PSMB2: variants seen among roughly 807,000 people sequenced by gnomAD.
PSMB2 encodes proteasome subunit beta type-2.
Under a neutral mutation model 25.7 loss-of-function variants are expected in PSMB2, and 13 were observed. The ratio of observed to expected loss-of-function variants is 0.51; its 90% CI spans 0.33 to 0.80. PSMB2 has a LOEUF of 0.80. PSMB2 is among the 30% of genes least tolerant of loss of function. PSMB2 has a pLI of 0.02. For missense variants in PSMB2, 202 were observed against 259.0 expected (o/e 0.78, Z 1.51); for synonymous variants, 87 against 96.2 (o/e 0.90, Z 0.56).
intron 3 of PSMB2, among the ~76,000 whole-genome samples, chr1:35,616,103 C>A (rs1650484207): frequency 2.0e-5 from 3 of 152,152 alleles, no homozygotes; most frequent in Non-Finnish European, 4.4e-5. Flanking sequence ...ATCCCTTTTA[C>A]AAATGTGGGG....
At chr1:35,637,170 T>G (rs1003966285) in intron 1 of PSMB2, among the ~76,000 whole-genome samples, 23 of 152,162 alleles carry the variant, frequency 1.5e-4, no homozygotes, top group African/African-American at 5.5e-4. Context: ...GTTATTATAT[T>G]TATACACATA....
At position 35,600,089 on chromosome 1, in the gene PSMB2, GCTACGATCGTGCCACTGTA is replaced by G. The variant is rs1353487442; in HGVS notation, c.*3159_*3177del. The G allele has an allele frequency of 6.0e-6, 5 of 829,072 alleles. No individual in the cohort carries two copies. The highest frequency in any genetic ancestry group is 7.3e-6 in the Non-Finnish European group (5 of 687,848). 51.4% of individuals were successfully genotyped at this position (829,072 alleles called of 1,614,324 possible). ...AGTTCAAGTGAACTTACTGCAGTAAGCTACGATCGTGCCACTGTACTCCAGCCTAGGTGATGGAGCAAGA... is the reference window on the plus strand; with the variant it reads ...AGTTCAAGTGAACTTACTGCAGTAAGCTCCAGCCTAGGTGATGGAGCAAGA... On this transcript the variant is annotated 3_prime_UTR_variant, in exon 6 of 6. Transcript: ENST00000373237.
chr1:35,635,573 G>A (rs941009799), intron 2 of PSMB2, among the ~76,000 whole-genome samples: 1 of 152,114 alleles, frequency 6.6e-6, no homozygotes. Context: ...GCTCACGCCT[G>A]TAATCCCAGC....
At chr1:35,628,598 TA>T (rs1557456344) in intron 3 of PSMB2, among the ~76,000 whole-genome samples, 3 of 23,224 alleles carry the variant, frequency 1.3e-4, no homozygotes, top group African/African-American at 2.5e-4. Flanking sequence ...AAAAAAAAAA[TA>T]TATATATATA....
intron 3 of PSMB2, among the ~76,000 whole-genome samples, chr1:35,611,772 C>T (rs980485233): frequency 1.3e-5 from 2 of 151,706 alleles, no homozygotes; most frequent in East Asian, 1.9e-4. Context: ...TGCAGTGAGC[C>T]GAGATAGTGC....
At chr1:35,629,126 G>A (rs1651008629) in intron 3 of PSMB2, among the ~76,000 whole-genome samples, 2 of 152,150 alleles carry the variant, frequency 1.3e-5, no homozygotes, top group South Asian at 4.1e-4. Context: ...ATAGTGAGTA[G>A]ATTAAATTAT....
chr1:35,612,395 C>A (rs1471087231), intron 3 of PSMB2, among the ~76,000 whole-genome samples: 1 of 152,026 alleles, frequency 6.6e-6, no homozygotes, highest in Non-Finnish European at 1.5e-5. Flanking sequence ...AACCCAAACT[C>A]TGGAAGAAAA....
chr1:35,636,257 A>T, intron 2 of PSMB2, 53 bp downstream of exon 2: 1 of 1,603,790 alleles, frequency 6.2e-7, no homozygotes, highest in East Asian at 2.2e-5. Context: ...TGACTTTAGT[A>T]ATGGCAGCCC....
At chr1:35,610,652 C>T (rs1039110343) in intron 3 of PSMB2, among the ~76,000 whole-genome samples, 7 of 152,226 alleles carry the variant, frequency 4.6e-5, no homozygotes, top group Non-Finnish European at 8.8e-5. Context: ...CCCTCCACCA[C>T]ACCCGGCTAA....
intron 3 of PSMB2, among the ~76,000 whole-genome samples, chr1:35,617,346 C>A (rs1235126063): frequency 2.0e-5 from 3 of 152,166 alleles, no homozygotes; most frequent in African/African-American, 7.2e-5. Flanking sequence ...TCATGCCCGG[C>A]CTTGTACCCT....
In PSMB2 at chr1:35,611,338, T is replaced by G. The variant is rs563136760; in HGVS notation, c.286-1930A>C. 2.7e-4 allele frequency among the ~76,000 whole-genome samples: 41 copies of G among 149,944 alleles called. 1 individual carries two copies. The highest frequency in any genetic ancestry group is 1.6e-3 in the Admixed American group (24 of 15,134). ...AAAAACTCATGGTTTTTGCTTTTTTTGGGGGGAGGGGTTGGGAGGGGAGTA... is the reference window on the plus strand; with the variant it reads ...AAAAACTCATGGTTTTTGCTTTTTTGGGGGGGAGGGGTTGGGAGGGGAGTA... On this transcript the variant is annotated intron_variant, in intron 3 of 5. Transcript: ENST00000373237.
At chr1:35,636,800 T>C (rs898592903) in intron 1 of PSMB2, among the ~76,000 whole-genome samples, 4 of 152,212 alleles carry the variant, frequency 2.6e-5, no homozygotes, top group African/African-American at 9.6e-5. Context: ...TAATGGACTT[T>C]AAGCATCTAT....
intron 1 of PSMB2, among the ~76,000 whole-genome samples, chr1:35,640,087 A>ATACTGTACTGTACTG (rs1375890920): frequency 5.3e-5 from 8 of 151,668 alleles, no homozygotes; most frequent in African/African-American, 1.9e-4. Context: ...ATACTATACT[A>ATACTGTACTGTACTG]TACTATACTA....
rs546315929 is a variant in PSMB2 at position 35,631,700 on chromosome 1, G to A, written c.215-356C>T. Among the ~76,000 whole-genome samples, 5 of 152,252 alleles carry A rather than the reference G, an allele frequency of 3.3e-5. No individual in the cohort carries two copies. In the East Asian group the frequency reaches 7.7e-4, roughly 24 times the overall value. On this transcript the variant is annotated intron_variant, in intron 2 of 5. Transcript: ENST00000373237. ...AAAAAAAAAGAAAGGCGTCTTAGAT[G>A]CCAATCTTTTAAAAGTTTATTTTAA...
At chr1:35,638,982 G>A (rs191052456) in intron 1 of PSMB2, among the ~76,000 whole-genome samples, 4 of 152,282 alleles carry the variant, frequency 2.6e-5, no homozygotes, top group Admixed American at 1.3e-4. Flanking sequence ...GGCTGGGCAC[G>A]GTGGCTCACG....
In PSMB2 at chr1:35,622,966, ACTAAT is replaced by A. The variant is rs529252725; in HGVS notation, c.285+8303_285+8307del. On this transcript the variant is annotated intron_variant, in intron 3 of 5. Coordinates refer to ENST00000373237, the MANE Select transcript of PSMB2 (RefSeq NM_002794.5). ...TCCTAATGGACTTAGTCAAGCTTTA[ACTAAT>A]GCATACGCATACTGCTTAAAAGGGC... Among the ~76,000 whole-genome samples the A allele has an allele frequency of 1.7e-4, 26 of 152,308 alleles. No individual in the cohort carries two copies. The East Asian group carries it at 4.8e-3, about 28-fold the overall frequency.
rs1649969453 is a variant in PSMB2, at chr1:35,600,786, T to TA, written c.*2480dup. 2.0e-6 allele frequency: 2 copies of TA among 985,278 alleles called. No individual in the cohort carries two copies. The highest frequency in any genetic ancestry group is 6.2e-5 in the Admixed American group (1 of 16,258). The allele number at this position is 985,278 out of a possible 1,614,324, so 61.0% of individuals were successfully genotyped here. A position where few individuals can be genotyped will look rare whatever the true frequency, so the allele number is the denominator to read the frequency against. On this transcript the variant is annotated 3_prime_UTR_variant, in exon 6 of 6. Transcript: ENST00000373237. ...TGCCTGAGATTGCCCTGGGGACACT[T>TA]ACATTCAAAGGCAGAGAACCGTATG... is the stretch of plus-strand genomic sequence containing the variant.
In PSMB2 at chr1:35,617,651, G is replaced by A. The variant is rs1394620691; in HGVS notation, c.286-8243C>T. 2.0e-5 allele frequency among the ~76,000 whole-genome samples: 3 copies of A among 152,190 alleles called. No homozygotes were observed. The East Asian group carries it at 5.8e-4, about 29-fold the overall frequency. On this transcript the variant is annotated intron_variant, in intron 3 of 5. Coordinates refer to ENST00000373237, the MANE Select transcript of PSMB2 (RefSeq NM_002794.5). ...GGATCTGGAAGGCACTCATAAGGTA[G>A]ATGTGGATAGGAAGGACTCCAGATA...
intron 3 of PSMB2, among the ~76,000 whole-genome samples, chr1:35,616,127 G>C (rs919483560): frequency 2.6e-5 from 4 of 152,142 alleles, no homozygotes; most frequent in Non-Finnish European, 5.9e-5. Context: ...AAACTTCAAA[G>C]AGGAAACAGT....
Sources: allele counts gnomAD v4.1 joint callset (sites outside exome capture counted in the v4.1 genomes callset), GRCh38; gene constraint gnomAD v4.1.1; transcripts MANE v1.5; gene names NCBI Gene and HGNC (gene_info 2026-07-23, HGNC 2026-07-21).